Variants in VTI1A observed in about 807,000 individuals in gnomAD.
VTI1A encodes vesicle transport through interaction with t-SNAREs 1A, also known as vesicle transport through interaction with t-SNAREs homolog 1A.
VTI1A carries 22 observed loss-of-function variants against 34.9 expected under a neutral mutation model. The ratio of observed to expected loss-of-function variants is 0.63; its 90% CI spans 0.45 to 0.90. The LOEUF (loss-of-function observed/expected upper bound fraction) is 0.90, where lower values mean the gene tolerates loss of function less well. Among genes scored for constraint, VTI1A ranks in the 40% least tolerant of loss-of-function variants. The probability of loss-of-function intolerance (pLI) is 0.00; values close to 1 mark genes in which losing one functional copy is unlikely to be tolerated. For missense variants in VTI1A, 268 were observed against 275.6 expected (o/e 0.97, Z 0.20); for synonymous variants, 87 against 97.3 (o/e 0.89, Z 0.62).
chr10:112,715,083 A>AT (rs1029169142), intron 7 of VTI1A, among the ~76,000 whole-genome samples: 2 of 152,006 alleles, frequency 1.3e-5, no homozygotes, highest in African/African-American at 2.4e-5. Context: ...TCTTATAGTC[A>AT]TTTTTTTTAA....
intron 5 of VTI1A, among the ~76,000 whole-genome samples, chr10:112,591,308 C>T (rs1035830051): frequency 4.6e-5 from 7 of 152,150 alleles, no homozygotes; most frequent in African/African-American, 1.7e-4. Flanking sequence ...ATCATGAGGT[C>T]AGGAGATCAA....
chr10:112,740,805 G>A (rs1233299178), intron 7 of VTI1A, among the ~76,000 whole-genome samples: 1 of 152,162 alleles, frequency 6.6e-6, no homozygotes, highest in Non-Finnish European at 1.5e-5. Context: ...CTATGATCCA[G>A]CATTTCCATT....
chr10:112,597,693 C>CTTTTTTTTTT (rs1180451909), intron 5 of VTI1A, among the ~76,000 whole-genome samples: 22 of 90,630 alleles, frequency 2.4e-4, no homozygotes, highest in Admixed American at 3.1e-4. Context: ...GACCTTGTCT[C>CTTTTTTTTTT]TTTTTTTTTT....
At chr10:112,791,436 A>G (rs1363527123) in intron 7 of VTI1A, among the ~76,000 whole-genome samples, 2 of 152,180 alleles carry the variant, frequency 1.3e-5, no homozygotes, top group African/African-American at 4.8e-5. Flanking sequence ...AAAAAGAAGA[A>G]AGTTTAAACC....
chr10:112,525,414 C>T (rs951181323), intron 3 of VTI1A, among the ~76,000 whole-genome samples: 1 of 152,090 alleles, frequency 6.6e-6, no homozygotes, highest in Admixed American at 6.6e-5. Context: ...TTTCCTGAGT[C>T]ACTCTAAAGG....
chr10:112,462,263 A>G (rs1325538656), intron 2 of VTI1A, among the ~76,000 whole-genome samples: 2 of 152,236 alleles, frequency 1.3e-5, no homozygotes, highest in Non-Finnish European at 1.5e-5. Context: ...GACACTACAC[A>G]TCTTGCAATG....
At chr10:112,485,507 A>G (rs1185221806) in intron 3 of VTI1A, among the ~76,000 whole-genome samples, 4 of 152,180 alleles carry the variant, frequency 2.6e-5, no homozygotes, top group Non-Finnish European at 4.4e-5. Context: ...GTGACATATG[A>G]TTGTCAACTT....
chr10:112,747,952 C>T (rs542640648), intron 7 of VTI1A, among the ~76,000 whole-genome samples: 1 of 152,214 alleles, frequency 6.6e-6, no homozygotes, highest in South Asian at 2.1e-4. Flanking sequence ...GGGTCCTGGA[C>T]GTTGGACTCC....
chr10:112,753,428 T>C (rs1851172759), intron 7 of VTI1A, among the ~76,000 whole-genome samples: 1 of 152,194 alleles, frequency 6.6e-6, no homozygotes, highest in South Asian at 2.1e-4. Context: ...GGAGAAAGTA[T>C]GCAAATCCTA....
At chr10:112,564,704 G>C (rs1851849664) in intron 5 of VTI1A, among the ~76,000 whole-genome samples, 1 of 152,054 alleles carries the variant, frequency 6.6e-6, no homozygotes, top group South Asian at 2.1e-4. Context: ...GAAAAGTTGA[G>C]AGTATATAAA....
chr10:112,705,048 A>G (rs1173433869), intron 7 of VTI1A, among the ~76,000 whole-genome samples: 1 of 148,662 alleles, frequency 6.7e-6, no homozygotes, highest in African/African-American at 2.5e-5. Context: ...GGCACGTGCC[A>G]CCATGCCCGG....
At chr10:112,618,524 T>TATATATATATATATATAGAG (rs748276058) in intron 5 of VTI1A, among the ~76,000 whole-genome samples, 3 of 34,584 alleles carry the variant, frequency 8.7e-5, no homozygotes, top group Non-Finnish European at 8.7e-5. Flanking sequence ...TATATATATA[T>TATATATATATATATATAGAG]AGAGAGAGAG....
chr10:112,468,082 A>G (rs772191885), intron 3 of VTI1A, among the ~76,000 whole-genome samples: 22 of 152,214 alleles, frequency 1.4e-4, no homozygotes, highest in Non-Finnish European at 2.6e-4. Context: ...GGTGTTCTCT[A>G]CAGTTGAAGA....
intron 7 of VTI1A, among the ~76,000 whole-genome samples, chr10:112,729,043 A>AT (rs1318113701): frequency 1.3e-5 from 2 of 151,762 alleles, no homozygotes; most frequent in Admixed American, 6.6e-5. Context: ...GGTGGTTTTG[A>AT]TTTTTTTTCT....
chr10:112,670,859 G>T (rs1043219119), intron 7 of VTI1A, among the ~76,000 whole-genome samples: 2 of 152,156 alleles, frequency 1.3e-5, no homozygotes, highest in African/African-American at 4.8e-5. Context: ...TGCTACATCT[G>T]AACCAAGGGT....
intron 2 of VTI1A, among the ~76,000 whole-genome samples, chr10:112,463,477 A>C (rs1178213951): frequency 3.9e-5 from 6 of 152,236 alleles, no homozygotes; most frequent in African/African-American, 9.6e-5. Flanking sequence ...AACCTGTTCC[A>C]GATTCCAGGA....
chr10:112,754,076 C>T (rs146515807), intron 7 of VTI1A, among the ~76,000 whole-genome samples: 3 of 152,284 alleles, frequency 2.0e-5, no homozygotes, highest in East Asian at 1.9e-4. Context: ...TCATTCTGTT[C>T]GGGACATTGC....
the VTI1A span, chr10:112,825,224 T>C: frequency 6.5e-6 from 1 of 152,778 alleles, no homozygotes. Flanking sequence ...TGCTTGCTCC[T>C]CTGCCCCCAC....
chr10:112,457,210 C>T (rs913307025), intron 1 of VTI1A, among the ~76,000 whole-genome samples: 1 of 152,108 alleles, frequency 6.6e-6, no homozygotes, highest in Non-Finnish European at 1.5e-5. Flanking sequence ...AACTGACCCA[C>T]CAAAGCCAAA....
Sources: allele counts gnomAD v4.1 joint callset (sites outside exome capture counted in the v4.1 genomes callset), GRCh38; gene constraint gnomAD v4.1.1; transcripts MANE v1.5; gene names NCBI Gene and HGNC (gene_info 2026-07-23, HGNC 2026-07-21).